The following CDH8 variants were observed in gnomAD, a reference collection of about 807,000 sequenced individuals.
CDH8 encodes the protein cadherin 8, also known as cadherin-8.
CDH8 carries 17 observed loss-of-function variants against 68.1 expected under a neutral mutation model. The ratio of observed to expected loss-of-function variants is 0.25; its 90% confidence interval spans 0.17 to 0.37. CDH8 has a LOEUF of 0.37. CDH8 is among the 10% of genes least tolerant of loss of function. The pLI is 1.00. For synonymous variants in CDH8, 372 were observed against 365.1 expected, an observed-to-expected ratio of 1.02 and a Z score of -0.21; for missense variants, 763 against 999.3, an observed-to-expected ratio of 0.76 and a Z score of 3.19.
intron 10 of CDH8, among the ~76,000 whole-genome samples, chr16:61,706,496 C>T (rs948295504): frequency 1.3e-4 from 19 of 151,928 alleles, no homozygotes; most frequent in African/African-American, 4.6e-4. Flanking sequence ...TGGCGGGCGC[C>T]TGTAGTCCCG....
At chr16:61,669,668 A>G (rs1467326196) in intron 10 of CDH8, among the ~76,000 whole-genome samples, 1 of 152,162 alleles carries the variant, frequency 6.6e-6, no homozygotes, top group East Asian at 1.9e-4. Context: ...TTGCCTTTCT[A>G]GTCTCTGCTC....
At chr16:61,965,669 G>C (rs965691326) in intron 2 of CDH8, among the ~76,000 whole-genome samples, 1 of 152,022 alleles carries the variant, frequency 6.6e-6, no homozygotes, top group Non-Finnish European at 1.5e-5. Flanking sequence ...GCAAGGACTA[G>C]AAGAAACATA....
At chr16:61,667,449 G>A (rs1963702508) in intron 10 of CDH8, 3 of 152,080 alleles carry the variant, frequency 2.0e-5, no homozygotes, top group African/African-American at 7.2e-5. Flanking sequence ...GGCTCTTTCT[G>A]CACTGTAACC....
At chr16:61,759,493 T>C (rs1822536081) in intron 8 of CDH8, among the ~76,000 whole-genome samples, 1 of 152,016 alleles carries the variant, frequency 6.6e-6, no homozygotes, top group African/African-American at 2.4e-5. Flanking sequence ...CCAAGAGCCA[T>C]GTGTCTAGAG....
At chr16:61,860,369 C>T (rs1479799523) in intron 3 of CDH8, among the ~76,000 whole-genome samples, 1 of 152,030 alleles carries the variant, frequency 6.6e-6, no homozygotes, top group Non-Finnish European at 1.5e-5. Flanking sequence ...CAGACTAAGA[C>T]AGGGGTATGT....
At chr16:61,862,403 C>T (rs1474729746) in intron 3 of CDH8, among the ~76,000 whole-genome samples, 2 of 152,112 alleles carry the variant, frequency 1.3e-5, no homozygotes, top group African/African-American at 2.4e-5. Context: ...TCTCCCAGTC[C>T]ATGCCAAGAT....
intron 1 of CDH8, among the ~76,000 whole-genome samples, chr16:62,022,647 C>T (rs541306693): frequency 9.9e-5 from 15 of 152,240 alleles, no homozygotes; most frequent in South Asian, 4.1e-4. Context: ...AGGACACCCT[C>T]GGGGACAGTG....
chr16:62,022,965 T>C (rs1902109330), intron 1 of CDH8, among the ~76,000 whole-genome samples: 1 of 152,110 alleles, frequency 6.6e-6, no homozygotes, highest in East Asian at 1.9e-4. Flanking sequence ...AAGCAGCAGT[T>C]GCTTTGGAAA....
At chr16:62,020,334 A>G (rs1332700905) in intron 2 of CDH8, among the ~76,000 whole-genome samples, 1 of 152,190 alleles carries the variant, frequency 6.6e-6, no homozygotes, top group African/African-American at 2.4e-5. Context: ...ATCAAAATTA[A>G]AAGGAGCTTA....
In CDH8 at chr16:61,884,336, C is replaced by T. The variant is rs1963631997; in HGVS notation, c.547+16843G>A. Among the ~76,000 whole-genome samples the T allele has an allele frequency of 2.0e-5, 3 of 151,888 alleles. No individual in the cohort carries two copies. In the South Asian group the frequency reaches 6.2e-4, roughly 31 times the overall value. On this transcript the variant is annotated intron_variant, in intron 3 of 11. Coordinates refer to ENST00000577390, the MANE Select transcript of CDH8 (RefSeq NM_001796.5). ...GAAGCACTTTATAATGGTCAACTTC[C>T]ACGTGATGAATAGTAAGTATATTTT...
intron 1 of CDH8, among the ~76,000 whole-genome samples, chr16:62,025,995 A>G (rs12443972): frequency 0.49 from 75,212 of 151,944 alleles, 19,710 homozygotes; most frequent in African/African-American, 0.67. Context: ...ACACTGTTAA[A>G]AGCCTGAGGT....
intron 4 of CDH8, among the ~76,000 whole-genome samples, chr16:61,846,555 A>C (rs746142939): frequency 2.6e-5 from 4 of 152,134 alleles, no homozygotes; most frequent in African/African-American, 9.7e-5. Flanking sequence ...TACATTTTGC[A>C]GATGGGAAGC....
intron 3 of CDH8, among the ~76,000 whole-genome samples, chr16:61,896,859 T>A (rs1013318742): frequency 1.3e-5 from 2 of 152,010 alleles, no homozygotes; most frequent in African/African-American, 4.8e-5. Flanking sequence ...GTCATGCAAG[T>A]CCCACACAAT....
At chr16:61,726,910 A>G in intron 9 of CDH8, 184 bp downstream of exon 9, 1 of 617,424 alleles carries the variant, frequency 1.6e-6, no homozygotes, top group East Asian at 2.8e-5. Context: ...TTTGGTCATA[A>G]GTAGGAAGAG....
intron 2 of CDH8, among the ~76,000 whole-genome samples, chr16:62,001,236 CTA>C (rs1965889259): frequency 1.3e-5 from 2 of 152,146 alleles, no homozygotes; most frequent in African/African-American, 4.8e-5. Context: ...ACTCCCAATC[CTA>C]TGTTTAATAG....
chr16:61,913,721 A>G (rs1964195380), intron 2 of CDH8, among the ~76,000 whole-genome samples: 1 of 152,166 alleles, frequency 6.6e-6, no homozygotes, highest in African/African-American at 2.4e-5. Context: ...CCTGACAACC[A>G]AAGACGCCCT....
intron 8 of CDH8, among the ~76,000 whole-genome samples, chr16:61,755,296 T>A (rs570705234): frequency 3.3e-5 from 5 of 152,170 alleles, no homozygotes; most frequent in Non-Finnish European, 5.9e-5. Flanking sequence ...TACGGAATAA[T>A]CAGAAAATGA....
At chr16:62,016,722 G>C (rs1344215835) in intron 2 of CDH8, among the ~76,000 whole-genome samples, 2 of 152,196 alleles carry the variant, frequency 1.3e-5, no homozygotes, top group Non-Finnish European at 2.9e-5. Flanking sequence ...ACTGGAGGCA[G>C]GAATAGAGTC....
chr16:61,690,185 T>C (rs1391321657), intron 10 of CDH8, among the ~76,000 whole-genome samples: 1 of 152,120 alleles, frequency 6.6e-6, no homozygotes, highest in African/African-American at 2.4e-5. Flanking sequence ...CAAGAGCATC[T>C]CTGAAGTAGC....
Sources: allele counts gnomAD v4.1 joint callset (sites outside exome capture counted in the v4.1 genomes callset), GRCh38; gene constraint gnomAD v4.1.1; transcripts MANE v1.5; gene names NCBI Gene and HGNC (gene_info 2026-07-23, HGNC 2026-07-21).